The following RANBP17 variants were observed in gnomAD, a reference collection of about 807,000 sequenced individuals.
The protein encoded by RANBP17 is ran-binding protein 17.
A neutral mutation model predicts 141.2 loss-of-function variants in RANBP17; 158 were observed. The ratio of observed to expected loss-of-function variants is 1.12; its 90% CI spans 0.98 to 1.28. RANBP17 has a LOEUF of 1.28. RANBP17 is among the 50% of genes most tolerant of loss of function. RANBP17 has a pLI of 0.00. For synonymous variants in RANBP17, 430 were observed against 450.0 expected (o/e 0.96, Z 0.56); for missense variants, 1,438 against 1,290.7 (o/e 1.11, Z -1.75).
At chr5:170,875,697 C>CA (rs70982311) in intron 1 of RANBP17, among the ~76,000 whole-genome samples, 103,283 of 151,930 alleles carry the variant, frequency 0.68, 35,282 homozygotes, top group South Asian at 0.9. Flanking sequence ...TTCTAGTTAG[C>CA]GCTCCTGTAG....
At chr5:171,178,603 TC>T (rs1210597278) in intron 16 of RANBP17, among the ~76,000 whole-genome samples, 1 of 152,172 alleles carries the variant, frequency 6.6e-6, no homozygotes, top group Non-Finnish European at 1.5e-5. Context: ...CACACTGTCT[TC>T]CACAATGGTT....
intron 14 of RANBP17, among the ~76,000 whole-genome samples, chr5:171,009,311 A>C (rs1047654749): frequency 1.3e-5 from 2 of 152,188 alleles, no homozygotes; most frequent in African/African-American, 2.4e-5. Context: ...AAGAGTGTCA[A>C]ACAAGATTGG....
chr5:171,282,769 C>T (rs1011112792), intron 25 of RANBP17, among the ~76,000 whole-genome samples: 8 of 152,050 alleles, frequency 5.3e-5, no homozygotes, highest in East Asian at 1.9e-4. Context: ...CGTGAGCCAC[C>T]GCACCTGGCT....
chr5:171,070,436 G>T (rs188953117), intron 14 of RANBP17, among the ~76,000 whole-genome samples: 1 of 152,126 alleles, frequency 6.6e-6, no homozygotes, highest in Admixed American at 6.5e-5. Flanking sequence ...TGTTAACACT[G>T]GAAAAGTTCC....
At chr5:171,037,364 A>AG (rs1406688848) in intron 14 of RANBP17, among the ~76,000 whole-genome samples, 3 of 152,060 alleles carry the variant, frequency 2.0e-5, no homozygotes, top group African/African-American at 4.8e-5. Flanking sequence ...TTGTATGTAT[A>AG]GGTTTTTCTC....
intron 14 of RANBP17, among the ~76,000 whole-genome samples, chr5:171,153,497 G>A (rs1396001481): frequency 2.0e-5 from 3 of 152,150 alleles, no homozygotes; most frequent in African/African-American, 7.2e-5. Flanking sequence ...AGAACACAAA[G>A]TTAATAGGTA....
At chr5:171,202,520 A>G (rs556179159) in intron 19 of RANBP17, among the ~76,000 whole-genome samples, 18 of 152,350 alleles carry the variant, frequency 1.2e-4, no homozygotes, top group African/African-American at 4.3e-4. Flanking sequence ...GCGCACATTA[A>G]AAGTTTTCGC....
At chr5:171,053,079 C>G (rs1332080751) in intron 14 of RANBP17, among the ~76,000 whole-genome samples, 1 of 152,190 alleles carries the variant, frequency 6.6e-6, no homozygotes, top group African/African-American at 2.4e-5. Context: ...CTCAGCATCC[C>G]AAAGTCCTGG....
intron 14 of RANBP17, among the ~76,000 whole-genome samples, chr5:171,031,988 G>C (rs965331478): frequency 3.1e-4 from 47 of 152,146 alleles, no homozygotes; most frequent in African/African-American, 1.1e-3. Flanking sequence ...ACTAAATTTA[G>C]TTGACCGAGT....
chr5:170,922,522 T>C (rs897025346), intron 11 of RANBP17, among the ~76,000 whole-genome samples: 1 of 152,164 alleles, frequency 6.6e-6, no homozygotes. Context: ...GCCTCAGCAA[T>C]GGCGGACCCC....
intron 14 of RANBP17, among the ~76,000 whole-genome samples, chr5:171,019,555 T>C (rs1025653811): frequency 6.6e-5 from 10 of 152,288 alleles, no homozygotes; most frequent in Admixed American, 4.6e-4. Flanking sequence ...TAGCGGTGTT[T>C]ATAGTATTCT....
intron 14 of RANBP17, among the ~76,000 whole-genome samples, chr5:171,061,579 C>CGG (rs2127672919): frequency 6.6e-6 from 1 of 152,160 alleles, no homozygotes; most frequent in Admixed American, 6.5e-5. Context: ...GCTTTACTTC[C>CGG]AACTATGTGG....
rs551192042 is a variant in RANBP17 at position 171,259,125 on chromosome 5, A to G, written c.2777-6556A>G. 2.0e-5 allele frequency among the ~76,000 whole-genome samples: 3 copies of G among 152,342 alleles called. No homozygotes were observed. In the East Asian group the frequency reaches 5.8e-4, roughly 29 times the overall value. ...CAAGATGTATGTGAAAAAATGTTCAACATCACTAATCATCAGAGAAATGCA... is the reference window on the plus strand; with the variant it reads ...CAAGATGTATGTGAAAAAATGTTCAGCATCACTAATCATCAGAGAAATGCA... On this transcript the variant is annotated intron_variant, in intron 24 of 27. Transcript: ENST00000523189.
chr5:171,173,531 G>T (rs1001542875), intron 16 of RANBP17, among the ~76,000 whole-genome samples: 2 of 151,714 alleles, frequency 1.3e-5, no homozygotes, highest in African/African-American at 4.8e-5. Flanking sequence ...TATTTTATCT[G>T]CTTCAGATGA....
chr5:171,068,521 C>G (rs1784439342), intron 14 of RANBP17, among the ~76,000 whole-genome samples: 1 of 152,120 alleles, frequency 6.6e-6, no homozygotes. Context: ...TGTGGTAACT[C>G]TGAAAATTAT....
chr5:170,976,514 C>T (rs576856202), intron 14 of RANBP17, among the ~76,000 whole-genome samples: 9 of 152,162 alleles, frequency 5.9e-5, no homozygotes, highest in African/African-American at 1.4e-4. Context: ...ATTAAAAGAA[C>T]GCAGAATAGC....
chr5:170,916,611 G>T (rs769570535), intron 9 of RANBP17, 27 bp downstream of exon 9: 3 of 1,411,722 alleles, frequency 2.1e-6, no homozygotes, highest in South Asian at 2.9e-5. Context: ...TTAATACTTA[G>T]CATATAGAGA....
rs547758866 is a variant in RANBP17, at chr5:170,903,539, T to C, written c.490-6122T>C. The C allele has an allele frequency of 1.8e-5, 4 of 226,930 alleles. No individual in the cohort carries two copies. The East Asian group carries it at 3.3e-4, about 19-fold the overall frequency. The allele number at this position is 226,930 out of a possible 1,614,324, so 14.1% of individuals were successfully genotyped here. ...TTCCAGGTGCCACTCGGCACATTTC[T>C]TTTAAAGGTGCTTGAAGATGAATTC... is the stretch of plus-strand genomic sequence containing the variant. On this transcript the variant is annotated intron_variant, in intron 5 of 27. Coordinates refer to ENST00000523189, the MANE Select transcript of RANBP17 (RefSeq NM_022897.5).
chr5:170,882,145 G>A (rs775117708), intron 3 of RANBP17, among the ~76,000 whole-genome samples: 5 of 151,982 alleles, frequency 3.3e-5, no homozygotes, highest in African/African-American at 9.7e-5. Flanking sequence ...GTGCAGTGGC[G>A]CGATCTCAGC....
Sources: gnomAD v4.1 joint callset for allele counts (sites outside exome capture counted in the v4.1 genomes callset) on GRCh38, gnomAD v4.1.1 for gene constraint, MANE v1.5 for transcripts, NCBI Gene and HGNC (gene_info 2026-07-23, HGNC 2026-07-21) for gene names.